The following FOCAD variants were observed in gnomAD, a reference collection of about 807,000 sequenced individuals.
FOCAD encodes the protein KIAA1797.
FOCAD carries 198 observed loss-of-function variants against 225.6 expected under a neutral mutation model. The ratio of observed to expected loss-of-function variants is 0.88; its 90% CI spans 0.78 to 0.99. FOCAD has a LOEUF of 0.99. Ranked by LOEUF, FOCAD falls within the 50% of genes least tolerant of loss-of-function variation. The probability of loss-of-function intolerance (pLI) is 0.00; values close to 1 mark genes in which losing one functional copy is unlikely to be tolerated. For synonymous variants in FOCAD, 897 were observed against 755.0 expected (o/e 1.19, Z -3.08); for missense variants, 2,713 against 2,123.6 (o/e 1.28, Z -5.46).
chr9:20,896,524 A>G (rs1832103119), intron 21 of FOCAD, among the ~76,000 whole-genome samples: 2 of 151,822 alleles, frequency 1.3e-5, no homozygotes, highest in Admixed American at 6.6e-5. Flanking sequence ...TTAATTGTCA[A>G]TTCAATTTCT....
intron 1 of FOCAD, among the ~76,000 whole-genome samples, chr9:20,707,860 C>A (rs1300342036): frequency 1.3e-5 from 2 of 152,034 alleles, no homozygotes; most frequent in Non-Finnish European, 2.9e-5. Context: ...GCCTTTGAAG[C>A]AAGAGCTGAG....
intron 15 of FOCAD, among the ~76,000 whole-genome samples, chr9:20,831,382 G>T (rs1057208611): frequency 6.6e-6 from 1 of 152,164 alleles, no homozygotes; most frequent in Non-Finnish European, 1.5e-5. Flanking sequence ...ATTTCTGTAG[G>T]TAGGACACAA....
At chr9:20,858,020 A>T (rs1587418298) in intron 15 of FOCAD, among the ~76,000 whole-genome samples, 1 of 149,300 alleles carries the variant, frequency 6.7e-6, no homozygotes, top group African/African-American at 2.5e-5. Flanking sequence ...TTTCACATCT[A>T]TGTTTGTCAG....
chr9:20,827,685 TAAAG>T (rs1476875738), intron 15 of FOCAD, among the ~76,000 whole-genome samples: 5 of 151,762 alleles, frequency 3.3e-5, no homozygotes, highest in South Asian at 4.2e-4. Context: ...AATCTAAAAA[TAAAG>T]AAAGAGCTCC....
chr9:20,657,951 T>A (rs1821551526), upstream of FOCAD, among the ~76,000 whole-genome samples: 2 of 138,272 alleles, frequency 1.4e-5, no homozygotes, highest in South Asian at 2.5e-4. Flanking sequence ...TACAGATGGG[T>A]TTTTGGTGTG....
chr9:20,962,519 C>G (rs560387571), intron 35 of FOCAD, among the ~76,000 whole-genome samples: 2 of 151,958 alleles, frequency 1.3e-5, no homozygotes, highest in East Asian at 3.9e-4. Context: ...AAAGATATGT[C>G]CAAACCACAA....
intron 15 of FOCAD, among the ~76,000 whole-genome samples, chr9:20,862,116 T>TTA (rs776889703): frequency 1.2e-4 from 19 of 152,104 alleles, no homozygotes; most frequent in Non-Finnish European, 2.2e-4. Context: ...AATGTTTGAT[T>TTA]TATATATATT....
At chr9:20,888,077 TA>T (rs768489220) in intron 21 of FOCAD, among the ~76,000 whole-genome samples, 81 of 149,356 alleles carry the variant, frequency 5.4e-4, no homozygotes, top group South Asian at 4.0e-3. Context: ...ATATTCTGGA[TA>T]TTTTTTTTTT....
At chr9:20,818,979 TTA>T (rs1824029273) in intron 11 of FOCAD, among the ~76,000 whole-genome samples, 1 of 152,170 alleles carries the variant, frequency 6.6e-6, no homozygotes, top group Non-Finnish European at 1.5e-5. Flanking sequence ...CTTAACAATG[TTA>T]TGTCTTCTAA....
At chr9:20,726,929 C>T (rs552971593) in intron 4 of FOCAD, among the ~76,000 whole-genome samples, 1 of 152,060 alleles carries the variant, frequency 6.6e-6, no homozygotes, top group African/African-American at 2.4e-5. Flanking sequence ...AGGAAGGATG[C>T]CTTTATGAGG....
At chr9:20,780,981 G>T (rs923656939) in intron 9 of FOCAD, among the ~76,000 whole-genome samples, 4 of 152,066 alleles carry the variant, frequency 2.6e-5, no homozygotes, top group African/African-American at 9.7e-5. Context: ...TGCTGTAGTG[G>T]GGAAATCAGT....
intron 19 of FOCAD, among the ~76,000 whole-genome samples, chr9:20,880,857 G>C (rs1830611316): frequency 6.6e-6 from 1 of 152,056 alleles, no homozygotes; most frequent in Non-Finnish European, 1.5e-5. Context: ...GATTTGTTTA[G>C]CTTTAATGTT....
intron 2 of FOCAD, among the ~76,000 whole-genome samples, chr9:20,675,698 C>G (rs1332788959): frequency 6.6e-6 from 1 of 152,182 alleles, no homozygotes; most frequent in African/African-American, 2.4e-5. Flanking sequence ...TGTTTGATCA[C>G]AGCAGCTGAA....
At chr9:20,874,941 C>T in intron 19 of FOCAD, 134 bp downstream of exon 19, 3 of 1,132,794 alleles carry the variant, frequency 2.6e-6, no homozygotes, top group South Asian at 1.4e-5. Context: ...TTAAATGCAC[C>T]CATCTGTTCT....
At chr9:20,661,629 C>A (rs1821727955) in intron 2 of FOCAD, among the ~76,000 whole-genome samples, 1 of 152,090 alleles carries the variant, frequency 6.6e-6, no homozygotes. Context: ...CATTTTGTCA[C>A]ACTGGGAAAA....
chr9:20,924,615 T>C (rs1017305159), intron 25 of FOCAD, among the ~76,000 whole-genome samples: 11 of 152,158 alleles, frequency 7.2e-5, no homozygotes, highest in Non-Finnish European at 1.3e-4. Context: ...CCTCAATGAG[T>C]ATCTTATGGG....
chr9:20,913,052 C>A, intron 23 of FOCAD, 98 bp downstream of exon 23: 1 of 892,410 alleles, frequency 1.1e-6, no homozygotes, highest in Non-Finnish European at 1.8e-6. Context: ...GCAGGTTTAA[C>A]CTCTATATGT....
intron 1 of FOCAD, among the ~76,000 whole-genome samples, chr9:20,692,210 T>A (rs770528540): frequency 6.6e-5 from 10 of 151,622 alleles, no homozygotes; most frequent in Middle Eastern, 3.2e-3. Flanking sequence ...TGAAATTTCC[T>A]TTTTTACCTA....
chr9:20,699,307 T>C (rs912591183), intron 1 of FOCAD, among the ~76,000 whole-genome samples: 1 of 152,194 alleles, frequency 6.6e-6, no homozygotes, highest in Non-Finnish European at 1.5e-5. Flanking sequence ...ATTGGCTTTA[T>C]TGTAAGTTGC....
Sources: gnomAD v4.1 joint callset for allele counts (sites outside exome capture counted in the v4.1 genomes callset) on GRCh38, gnomAD v4.1.1 for gene constraint, MANE v1.5 for transcripts, NCBI Gene and HGNC (gene_info 2026-07-23, HGNC 2026-07-21) for gene names.